Variants in AFF3 observed in about 807,000 individuals in gnomAD.
AFF3 encodes the protein AF4/FMR2 family member 3.
In AFF3, 32 loss-of-function variants were observed where a neutral mutation model predicts 129.7. That is an observed-to-expected ratio of 0.25 (90% CI 0.19 to 0.33). The LOEUF (loss-of-function observed/expected upper bound fraction) is 0.33. AFF3 is among the 10% of genes least tolerant of loss of function. The probability of loss-of-function intolerance (pLI) is 1.00; values close to 1 mark genes in which losing one functional copy is unlikely to be tolerated. For missense variants in AFF3, 1,373 were observed against 1,592.0 expected (o/e 0.86, Z 2.34); for synonymous variants, 644 against 635.4 (o/e 1.01, Z -0.20).
At position 99,547,652 on chromosome 2, in the gene AFF3, C is replaced by T. The variant is rs1219800981; in HGVS notation, c.*3822G>A. Reference sequence around the variant, plus strand: ...CTGATTAATTTTATAACAATTACTGCACTTCCAAGTTGATGCGAACACGCA... The same window carrying T: ...CTGATTAATTTTATAACAATTACTGTACTTCCAAGTTGATGCGAACACGCA... On this transcript the variant is annotated 3_prime_UTR_variant, in exon 25 of 25. Coordinates refer to ENST00000672756, the MANE Select transcript of AFF3 (RefSeq NM_001386135.1). 9.5e-6 allele frequency: 2 copies of T among 209,734 alleles called. No homozygotes were observed. The highest frequency in any genetic ancestry group is 1.9e-5 in the Non-Finnish European group (2 of 103,216). 13.0% of individuals were successfully genotyped at this position (209,734 alleles called of 1,614,324 possible).
intron 18 of AFF3, among the ~76,000 whole-genome samples, chr2:99,576,232 C>T (rs1424307703): frequency 1.3e-5 from 2 of 151,630 alleles, no homozygotes; most frequent in African/African-American, 4.8e-5. Flanking sequence ...AAGATTTCAC[C>T]ATCTTGGCCA....
intron 7 of AFF3, among the ~76,000 whole-genome samples, chr2:99,897,599 C>G (rs1694067428): frequency 6.6e-6 from 1 of 152,200 alleles, no homozygotes; most frequent in African/African-American, 2.4e-5. Context: ...GGCTTCTTAT[C>G]TCACCTTGCA....
At chr2:100,111,119 C>G (rs1208526735) in intron 2 of AFF3, among the ~76,000 whole-genome samples, 3 of 152,152 alleles carry the variant, frequency 2.0e-5, no homozygotes, top group African/African-American at 7.2e-5. Context: ...ATAACCCTAC[C>G]ATCTTTGGAC....
In AFF3 at chr2:99,590,998, C is replaced by CAA. The variant is rs762274125; in HGVS notation, c.2466+2195_2466+2196dup. 4.4e-5 allele frequency among the ~76,000 whole-genome samples: 5 copies of CAA among 112,704 alleles called. 1 individual carries two copies. The East Asian group carries it at 1.1e-3, about 26-fold the overall frequency. 73.9% of individuals were successfully genotyped at this position (112,704 alleles called of 152,430 possible). A position where few individuals can be genotyped will look rare whatever the true frequency, so the allele number is the denominator to read the frequency against. ...GGGCAACAAGAGCGAAACTCTGTCT[C>CAA]AAAAAAAAAAAAAAAAATTTTTTTT... On this transcript the variant is annotated intron_variant, in intron 15 of 24. Transcript: ENST00000672756.
chr2:99,965,433 G>C (rs2104370221), intron 7 of AFF3, among the ~76,000 whole-genome samples: 1 of 152,332 alleles, frequency 6.6e-6, no homozygotes, highest in African/African-American at 2.4e-5. Context: ...TTCCAGTCCT[G>C]CTCTCTTTCC....
intron 12 of AFF3, among the ~76,000 whole-genome samples, chr2:99,661,175 G>A (rs1686198269): frequency 6.6e-6 from 1 of 152,146 alleles, no homozygotes; most frequent in Non-Finnish European, 1.5e-5. Context: ...ATGGGACAAA[G>A]GGCTATTCCT....
chr2:99,794,230 T>A (rs1685411688), intron 8 of AFF3, among the ~76,000 whole-genome samples: 1 of 152,256 alleles, frequency 6.6e-6, no homozygotes, highest in African/African-American at 2.4e-5. Context: ...AATTTTGGAA[T>A]GGATGCTTAA....
intron 12 of AFF3, among the ~76,000 whole-genome samples, chr2:99,650,882 G>C (rs574197726): frequency 6.7e-6 from 1 of 150,016 alleles, no homozygotes; most frequent in Non-Finnish European, 1.5e-5. Flanking sequence ...CATAAAAAAG[G>C]CTCTATTTTG....
At chr2:99,724,718 T>C (rs1679217623) in intron 11 of AFF3, among the ~76,000 whole-genome samples, 1 of 152,148 alleles carries the variant, frequency 6.6e-6, no homozygotes, top group Non-Finnish European at 1.5e-5. Context: ...ATCTCACTCT[T>C]TATCCGTAAT....
chr2:100,131,831 A>T (rs748046792), intron 1 of AFF3, among the ~76,000 whole-genome samples: 2 of 152,200 alleles, frequency 1.3e-5, no homozygotes, highest in Non-Finnish European at 2.9e-5. Flanking sequence ...TTGAGCACCC[A>T]CTATATCCTA....
At chr2:99,998,069 G>A (rs1681020927) in intron 7 of AFF3, among the ~76,000 whole-genome samples, 1 of 152,098 alleles carries the variant, frequency 6.6e-6, no homozygotes, top group Non-Finnish European at 1.5e-5. Flanking sequence ...GGTAGGCTAT[G>A]GTGACACAGG....
intron 11 of AFF3, among the ~76,000 whole-genome samples, chr2:99,674,297 A>T (rs1269850243): frequency 6.6e-6 from 1 of 152,050 alleles, no homozygotes; most frequent in African/African-American, 2.4e-5. Flanking sequence ...AAGAGAAGAG[A>T]CCTCTTGGTG....
At chr2:100,128,850 A>G (rs1692307395) in intron 2 of AFF3, among the ~76,000 whole-genome samples, 1 of 152,152 alleles carries the variant, frequency 6.6e-6, no homozygotes, top group Non-Finnish European at 1.5e-5. Flanking sequence ...AAGGGAGAGG[A>G]TGGTTAGAAT....
rs541691082 is a variant in AFF3, at chr2:100,141,226, G to A, written c.-228+1258C>T. Reference sequence around the variant, plus strand: ...TTAAACCTTGAAATCTGGAAAATAAGCAATGTATATATTTTTCTATTTTCT... The same window carrying A: ...TTAAACCTTGAAATCTGGAAAATAAACAATGTATATATTTTTCTATTTTCT... On this transcript the variant is annotated intron_variant, in intron 1 of 24. Coordinates refer to ENST00000672756, the MANE Select transcript of AFF3 (RefSeq NM_001386135.1). 2.6e-3 allele frequency among the ~76,000 whole-genome samples: 401 copies of A among 152,250 alleles called. 1 individual carries two copies. Among genetic ancestry groups the A allele is most frequent in the Non-Finnish European group, 4.8e-3 (325 of 68,024 alleles).
At chr2:99,572,298 C>T (rs1197176798) in intron 18 of AFF3, among the ~76,000 whole-genome samples, 6 of 119,886 alleles carry the variant, frequency 5.0e-5, no homozygotes, top group African/African-American at 1.6e-4. Flanking sequence ...CCACCACCCC[C>T]CCCCCCCCAC....
intron 12 of AFF3, among the ~76,000 whole-genome samples, chr2:99,663,732 G>A (rs1251859263): frequency 1.3e-5 from 2 of 152,200 alleles, no homozygotes; most frequent in Admixed American, 1.3e-4. Context: ...TGCCCAATAT[G>A]TTTGGATAAC....
intron 11 of AFF3, among the ~76,000 whole-genome samples, chr2:99,679,921 A>C (rs1674367107): frequency 6.6e-6 from 1 of 152,220 alleles, no homozygotes; most frequent in South Asian, 2.1e-4. Flanking sequence ...AGATGATCTG[A>C]TACTACTCAG....
chr2:100,139,418 T>C (rs1298858810), intron 1 of AFF3, among the ~76,000 whole-genome samples: 1 of 152,188 alleles, frequency 6.6e-6, no homozygotes, highest in East Asian at 1.9e-4. Flanking sequence ...ATGGTAATTT[T>C]TCCATAAAGA....
chr2:99,692,635 C>G (rs566058350), intron 11 of AFF3, among the ~76,000 whole-genome samples: 1 of 152,184 alleles, frequency 6.6e-6, no homozygotes, highest in Non-Finnish European at 1.5e-5. Context: ...GAGAGTCCAT[C>G]CCAAGTATCA....
Sources: allele counts gnomAD v4.1 joint callset (sites outside exome capture counted in the v4.1 genomes callset), GRCh38; gene constraint gnomAD v4.1.1; transcripts MANE v1.5; gene names NCBI Gene and HGNC (gene_info 2026-07-23, HGNC 2026-07-21).